Variants in ARHGAP9 observed in about 807,000 individuals in gnomAD.
The protein encoded by ARHGAP9 is rho GTPase-activating protein 9.
In ARHGAP9, 76 loss-of-function variants were observed where a neutral mutation model predicts 87.3. The ratio of observed to expected loss-of-function variants is 0.87; its 90% CI spans 0.72 to 1.05. The LOEUF (loss-of-function observed/expected upper bound fraction) is 1.05, where lower values mean the gene tolerates loss of function less well. Among genes scored for constraint, ARHGAP9 ranks in the 50% least tolerant of loss-of-function variants. ARHGAP9 has a pLI of 0.00. For synonymous variants in ARHGAP9, 382 were observed against 394.9 expected (o/e 0.97, Z 0.39); for missense variants, 941 against 960.5 (o/e 0.98, Z 0.27).
At position 57,477,181 on chromosome 12, in the gene ARHGAP9, C is replaced by T. The variant is rs1874081204; in HGVS notation, c.845G>A (p.Gly282Glu). The T allele has an allele frequency of 6.2e-7, 1 of 1,612,794 alleles. No individual in the cohort carries two copies. The change falls in exon 5 of 18, where the codon GGG (glycine) becomes GAG (glutamate). Residue 282 changes from glycine to glutamate, a missense_variant. Gly to Glu is a moderately conservative substitution (Grantham distance 98). Transcript: ENST00000393791. ...CTGTGGGTCAAGCGGTTCTGGGGTC[C>T]CTGTGTCAGATCTGAAGCCCTTTGC... ...PQAKGFRSDT[G>E]TPEPLDPQGS...
chr12:57,478,958 C>G (rs1422998190), intron 2 of ARHGAP9, 133 bp downstream of exon 2: 2 of 1,281,716 alleles, frequency 1.6e-6, no homozygotes, highest in Admixed American at 2.2e-5. Context: ...GTAGGCTGAT[C>G]AAAGAAAAAC....
rs1873205167 is a variant in ARHGAP9 at position 57,475,399 on chromosome 12, C to A, written c.1445-1G>T. ...TGCTCGGTGCCTTCGGGCCCCCGAA[C>A]TGCAGGAGGCAGGTAGAGCGGGGCG... On this transcript the variant is annotated splice_acceptor_variant, in intron 11 of 17. Coordinates refer to ENST00000393791, the MANE Select transcript of ARHGAP9 (RefSeq NM_032496.4). LOFTEE classifies it high-confidence loss of function. The A allele has an allele frequency of 6.3e-7, 1 of 1,592,480 alleles. No homozygotes were observed.
chr12:57,478,448 T>C, intron 3 of ARHGAP9, 92 bp downstream of exon 3: 1 of 1,252,638 alleles, frequency 8.0e-7, no homozygotes. Context: ...TTTGTTTTTG[T>C]GTTTGTCATC....
intron 1 of ARHGAP9, chr12:57,488,304 C>T: frequency 9.7e-7 from 1 of 1,028,264 alleles, no homozygotes; most frequent in Non-Finnish European, 1.4e-6. Flanking sequence ...GCCACACACC[C>T]CAATCGACCA....
chr12:57,485,666 T>C (rs1617196), intron 1 of ARHGAP9, among the ~76,000 whole-genome samples: 27,748 of 151,958 alleles, frequency 0.18, 2,791 homozygotes, highest in East Asian at 0.33. Context: ...AGGCATAAGT[T>C]ACTGGGCCTG....
chr12:57,473,809 A>G (rs1167197986), intron 16 of ARHGAP9, 101 bp from the exon 17 acceptor site: 1 of 1,233,548 alleles, frequency 8.1e-7, no homozygotes, highest in South Asian at 1.3e-5. Context: ...GGAAGACATC[A>G]TTAATCTAGC....
chr12:57,475,417 G>C lies in ARHGAP9; in HGVS notation c.1445-19C>G. ...CCCCGAACTGCAGGAGGCAGGTAGA[G>C]CGGGGCGTGAGCGCCCGGGAGCCTC... On this transcript the variant is annotated intron_variant, in intron 11 of 17. Coordinates refer to ENST00000393791, the MANE Select transcript of ARHGAP9 (RefSeq NM_032496.4). The C allele has an allele frequency of 6.3e-7, 1 of 1,584,038 alleles. No individual in the cohort carries two copies.
At position 57,478,611 on chromosome 12, in the gene ARHGAP9, G is replaced by A; in HGVS notation, c.463C>T (p.Pro155Ser). ...CTTCCGCTTGGTCCTTCCTGGAAAG[G>A]CTTCAGAAGGCTGGGGCTCAGATTG... ...TDNLSPSLLK[P>S]FQEGPSGRSL... Residue 155 changes from proline to serine, a missense_variant, in exon 3 of 18, where the codon CCT (proline) becomes TCT (serine). Pro to Ser is a moderately conservative substitution (Grantham distance 74, BLOSUM62 -1). Transcript: ENST00000393791. The A allele has an allele frequency of 2.5e-6, 4 of 1,614,074 alleles. No homozygotes were observed. Among genetic ancestry groups the A allele is most frequent in the Non-Finnish European group, 3.4e-6 (4 of 1,180,032 alleles).
At chr12:57,483,066 T>C (rs1046921345), upstream of ARHGAP9, among the ~76,000 whole-genome samples, 2 of 150,224 alleles carry the variant, frequency 1.3e-5, no homozygotes, top group Non-Finnish European at 2.9e-5. Flanking sequence ...GCCACTGCGC[T>C]CCAGCCTGGG....
In ARHGAP9 at chr12:57,479,181, T is replaced by C. The variant is rs374482245; in HGVS notation, c.226A>G (p.Ile76Val). The change falls in exon 2 of 18, where the codon ATC (isoleucine) becomes GTC (valine). Residue 76 changes from isoleucine to valine, a missense_variant. Coordinates refer to ENST00000393791, the MANE Select transcript of ARHGAP9 (RefSeq NM_032496.4). ...ATCATATAGGCTGCTGGGACGAAGA[T>C]GGGTCGAGAGGTGGAGGGAGCTTCT... ...RLEAPSTSRP[I>V]FVPAAYMIEE... 9 of 1,614,010 alleles carry C rather than the reference T, an allele frequency of 5.6e-6. No homozygotes were observed. In the African/African-American group the frequency reaches 8.0e-5, roughly 14 times the overall value.
chr12:57,474,129 C>G lies in ARHGAP9; in HGVS notation c.1831G>C (p.Val611Leu), dbSNP rs764537790. The change falls in exon 16 of 18, where the codon GTC becomes CTC. Residue 611 changes from valine (V) to leucine (L), a missense_variant. Transcript: ENST00000393791. The stretch of plus-strand genomic sequence containing the variant: ...AGAAAAAGCTTCAGGGCTCCGGTGA[C>G]CACATGAATGTCATCCCACTCAGTA... Reference protein sequence around the residue: ...DSTEWDDIHVVTGALKLFLRE... With the variant: ...DSTEWDDIHVLTGALKLFLRE... The G allele has an allele frequency of 1.2e-5, 20 of 1,614,044 alleles. No homozygotes were observed. Among genetic ancestry groups the G allele is most frequent in the Non-Finnish European group, 1.5e-5 (18 of 1,180,038 alleles).
Position 57,488,752 on chromosome 12 carries a change from C to A in ARHGAP9, c.-344G>T, listed in dbSNP as rs568755380. 2.1e-5 allele frequency: 26 copies of A among 1,232,776 alleles called. No homozygotes were observed. The East Asian group carries it at 6.1e-4, about 29-fold the overall frequency. 76.4% of individuals were successfully genotyped at this position (1,232,776 alleles called of 1,614,324 possible). ...CCCAGTTACTTTCAGTCGTTAAGTT[C>A]TTGGCTGCAGCACTATCCCAATACC... On this transcript the variant is annotated 5_prime_UTR_variant, in exon 1 of 21. Transcript: ENST00000393797.
intron 17 of ARHGAP9, 92 bp from the exon 18 acceptor site, chr12:57,472,780 A>C (rs2139877541): frequency 7.3e-7 from 1 of 1,377,404 alleles, no homozygotes; most frequent in Non-Finnish European, 1.0e-6. Flanking sequence ...AGCAGGGAAG[A>C]GTTCACTCTG....
chr12:57,475,006 C>CCAG (rs1157259826), intron 12 of ARHGAP9, 33 bp from the exon 13 acceptor site: 1 of 1,598,848 alleles, frequency 6.3e-7, no homozygotes, highest in African/African-American at 1.3e-5. Flanking sequence ...GAAGCCAGTG[C>CCAG]CAGCGTCACT....
intron 1 of ARHGAP9, among the ~76,000 whole-genome samples, chr12:57,485,040 G>C (rs938402140): frequency 2.8e-5 from 4 of 144,066 alleles, no homozygotes; most frequent in African/African-American, 7.7e-5. Context: ...CTGCCTCCCG[G>C]GTTCAAGTGA....
chr12:57,483,638 A>G (rs1009130676), upstream of ARHGAP9, among the ~76,000 whole-genome samples: 1 of 152,192 alleles, frequency 6.6e-6, no homozygotes, highest in Non-Finnish European at 1.5e-5. Context: ...GATTCTTTGC[A>G]TATGTTGTTT....
At chr12:57,482,544 ATT>A (rs958204696), upstream of ARHGAP9, among the ~76,000 whole-genome samples, 3 of 151,830 alleles carry the variant, frequency 2.0e-5, no homozygotes, top group Non-Finnish European at 2.9e-5. Flanking sequence ...CTGGCCAAAA[ATT>A]TTTTTTAGTT....
Position 57,478,821 on chromosome 12 carries a change from T to C in ARHGAP9, c.317-64A>G, listed in dbSNP as rs371659441. 5.0e-4 allele frequency: 722 copies of C among 1,451,570 alleles called. 4 individuals carry two copies. In the South Asian group the frequency reaches 5.6e-3, roughly 11 times the overall value. The allele number at this position is 1,451,570 out of a possible 1,614,324, so 89.9% of individuals were successfully genotyped here. On this transcript the variant is annotated intron_variant, in intron 2 of 17. Coordinates refer to ENST00000393791, the MANE Select transcript of ARHGAP9 (RefSeq NM_032496.4). ...AGAGGTGTTGTTGTAACTGGGTCCC[T>C]CATCTTGGGAACTCACAGGGAAGAC...
At chr12:57,475,072 G>A in intron 12 of ARHGAP9, 99 bp from the exon 13 acceptor site, 1 of 1,315,460 alleles carries the variant, frequency 7.6e-7, no homozygotes, top group Non-Finnish European at 1.1e-6. Flanking sequence ...GGTCCTCCTG[G>A]CTGCCTGTGC....
Sources: gnomAD v4.1 joint callset for allele counts (sites outside exome capture counted in the v4.1 genomes callset) on GRCh38, gnomAD v4.1.1 for gene constraint, MANE v1.5 for transcripts, NCBI Gene and HGNC (gene_info 2026-07-23, HGNC 2026-07-21) for gene names.